The following ABR variants were observed in gnomAD, a reference collection of about 807,000 sequenced individuals.
ABR encodes the protein ABR activator of RhoGEF and GTPase, also known as active breakpoint cluster region-related protein.
A neutral mutation model predicts 107.2 loss-of-function variants in ABR; 35 were observed. The ratio of observed to expected loss-of-function variants is 0.33; its 90% confidence interval spans 0.25 to 0.43. The LOEUF is 0.43. Among genes scored for constraint, ABR ranks in the 20% least tolerant of loss-of-function variants. ABR has a pLI of 1.00. For synonymous variants in ABR, 498 were observed against 462.0 expected, an observed-to-expected ratio of 1.08 and a Z score of -1.00; for missense variants, 815 against 1,115.2, an observed-to-expected ratio of 0.73 and a Z score of 3.83.
intron 16 of ABR, among the ~76,000 whole-genome samples, chr17:1,043,670 C>T (rs544298486): frequency 6.6e-6 from 1 of 152,320 alleles, no homozygotes; most frequent in Non-Finnish European, 1.5e-5. Flanking sequence ...CTGGCTTCTA[C>T]CACTATTTTT....
chr17:1,166,026 C>T (rs2041492109), intron 1 of ABR, among the ~76,000 whole-genome samples: 1 of 151,044 alleles, frequency 6.6e-6, no homozygotes, highest in Non-Finnish European at 1.5e-5. Flanking sequence ...CCCACCTCCG[C>T]TCTCCCAGAG....
rs1403656896 is a variant in ABR, at chr17:1,078,130, T to A, written c.700+1200A>T. On this transcript the variant is annotated intron_variant, in intron 6 of 22. Transcript: ENST00000302538. This position sits in a 1 kb window ranked among gnomAD's most constrained non-coding sequence, Gnocchi z 7.5. Reference sequence around the variant, plus strand: ...GTGTGTGTGTGTGTGTGTGTGTGTGTGACCTTCACAGAGTAGCTTGCCACA... The same window carrying A: ...GTGTGTGTGTGTGTGTGTGTGTGTGAGACCTTCACAGAGTAGCTTGCCACA... 6.6e-6 allele frequency among the ~76,000 whole-genome samples: 1 copy of A among 151,880 alleles called. No homozygotes were observed. The highest frequency in any genetic ancestry group is 1.5e-5 in the Non-Finnish European group (1 of 67,958).
intron 1 of ABR, among the ~76,000 whole-genome samples, chr17:1,127,670 CG>C (rs2039657120): frequency 6.6e-6 from 1 of 152,180 alleles, no homozygotes; most frequent in African/African-American, 2.4e-5. Context: ...TAGTGGACCG[CG>C]GCTTTGCCCA....
chr17:1,156,785 A>C (rs956074396), intron 1 of ABR, among the ~76,000 whole-genome samples: 6 of 152,234 alleles, frequency 3.9e-5, no homozygotes, highest in African/African-American at 1.4e-4. Flanking sequence ...TTCATAGAGG[A>C]GTAAACTGAG....
At chr17:1,185,693 C>T (rs1432947796) in intron 1 of ABR, among the ~76,000 whole-genome samples, 1 of 149,848 alleles carries the variant, frequency 6.7e-6, no homozygotes, top group East Asian at 2.0e-4. Flanking sequence ...AGGTATGTGC[C>T]CAGGTGGATC....
chr17:1,073,753 T>C, intron 6 of ABR, 76 bp from the exon 7 acceptor site: 7 of 1,338,896 alleles, frequency 5.2e-6, no homozygotes, highest in East Asian at 2.5e-5. Flanking sequence ...ACCAGCTTCG[T>C]CCCCCCACCC....
At chr17:1,028,680 G>T (rs1370685687) in intron 16 of ABR, among the ~76,000 whole-genome samples, 1 of 152,170 alleles carries the variant, frequency 6.6e-6, no homozygotes, top group Non-Finnish European at 1.5e-5. Flanking sequence ...TTGGAAGTAG[G>T]GGATTCTCAG....
At chr17:1,107,671 T>C (rs909251118) in intron 2 of ABR, among the ~76,000 whole-genome samples, 1 of 152,292 alleles carries the variant, frequency 6.6e-6, no homozygotes, top group Admixed American at 6.5e-5. Flanking sequence ...TCCCACCCTG[T>C]TCCTAGTGGG....
At position 1,050,850 on chromosome 17, in the gene ABR, C is replaced by T. The variant is rs1356666654; in HGVS notation, c.1562-216G>A. 6.6e-6 allele frequency among the ~76,000 whole-genome samples: 1 copy of T among 151,958 alleles called. No homozygotes were observed. Among genetic ancestry groups the T allele is most frequent in the Non-Finnish European group, 1.5e-5 (1 of 67,992 alleles). On this transcript the variant is annotated intron_variant, in intron 14 of 22. Coordinates refer to ENST00000302538, the MANE Select transcript of ABR (RefSeq NM_021962.5). This position sits in a 1 kb window ranked among gnomAD's most constrained non-coding sequence, Gnocchi z 4.6. The stretch of plus-strand genomic sequence containing the variant: ...CCTCCCCACCTCGGCTCACCCCACA[C>T]TCTGCCCTTCCTACCTCAGCCCTCC...
rs571505284 is a variant in ABR at position 1,082,465 on chromosome 17, C to T, written c.639+1055G>A. Among the ~76,000 whole-genome samples, 422 of 151,346 alleles carry T rather than the reference C, an allele frequency of 2.8e-3. 4 individuals carry two copies. The highest frequency in any genetic ancestry group is 9.7e-3 in the African/African-American group (398 of 41,206). On this transcript the variant is annotated intron_variant, in intron 5 of 22. Transcript: ENST00000302538. ...AGGCTGGGCCTCAGGAGCAGAAGCA[C>T]GTGTGCTCCCGGCCAGGTAGGCTGG...
chr17:1,132,869 G>A (rs1021852413), intron 1 of ABR, among the ~76,000 whole-genome samples: 1 of 152,168 alleles, frequency 6.6e-6, no homozygotes, highest in African/African-American at 2.4e-5. Context: ...AAATTGGCAA[G>A]GATTTTAAGA....
At position 1,150,195 on chromosome 17, in the gene ABR, G is replaced by A. The variant is rs202196837; in HGVS notation, c.62-24828C>T. On this transcript the variant is annotated intron_variant, in intron 1 of 22. Coordinates refer to ENST00000302538, the MANE Select transcript of ABR (RefSeq NM_021962.5). The surrounding 1 kb of genome is among the most constrained non-coding windows in gnomAD (Gnocchi z 4.8). ...ATTACAGACGTGAGCCACCGCGCCC[G>A]GCCTGTGTCAGAATTTTTTTTGTTA... 2.0e-5 allele frequency among the ~76,000 whole-genome samples: 3 copies of A among 152,034 alleles called. No individual in the cohort carries two copies. The highest frequency in any genetic ancestry group is 2.1e-4 in the South Asian group (1 of 4,808).
rs1597349822 is a variant in ABR at position 1,011,758 on chromosome 17, G to A, written c.2101+88C>T. The A allele has an allele frequency of 4.8e-6, 7 of 1,464,032 alleles. No homozygotes were observed. The East Asian group carries it at 1.4e-4, about 29-fold the overall frequency. The allele number at this position is 1,464,032 out of a possible 1,614,324, so 90.7% of individuals were successfully genotyped here. A position where few individuals can be genotyped will look rare whatever the true frequency, so the allele number is the denominator to read the frequency against. On this transcript the variant is annotated intron_variant, in intron 19 of 22. Coordinates refer to ENST00000302538, the MANE Select transcript of ABR (RefSeq NM_021962.5). This position sits in a 1 kb window ranked among gnomAD's most constrained non-coding sequence, Gnocchi z 4.8. ...CAGAGCAAGCCTCCTCTCCAGGGAGGCTCCTGGTTCCCCCGAGCTCTCCTG... is the reference window on the plus strand; with the variant it reads ...CAGAGCAAGCCTCCTCTCCAGGGAGACTCCTGGTTCCCCCGAGCTCTCCTG...
chr17:1,178,686 G>A (rs1028639774), intron 1 of ABR, among the ~76,000 whole-genome samples: 1 of 152,156 alleles, frequency 6.6e-6, no homozygotes, highest in African/African-American at 2.4e-5. Context: ...GAGATGTGCT[G>A]AGAGAGTGGG....
chr17:1,060,597 C>G (rs2033811313), intron 10 of ABR, among the ~76,000 whole-genome samples: 1 of 152,068 alleles, frequency 6.6e-6, no homozygotes, highest in African/African-American at 2.4e-5. Context: ...GAGTGGCGAC[C>G]AGCTTTACCC....
At chr17:1,096,759 G>A (rs1481262216) in intron 3 of ABR, among the ~76,000 whole-genome samples, 1 of 148,080 alleles carries the variant, frequency 6.8e-6, no homozygotes, top group Non-Finnish European at 1.5e-5. Flanking sequence ...GGGGAAGGGG[G>A]GAACCTGCCC....
At chr17:1,129,027 A>T (rs1360872696) in intron 1 of ABR, among the ~76,000 whole-genome samples, 10 of 152,212 alleles carry the variant, frequency 6.6e-5, no homozygotes, top group Admixed American at 6.5e-4. Context: ...AAGGTAACTG[A>T]CCCAGGTGAT....
chr17:1,190,930 T>C (rs1384716385), upstream of ABR, among the ~76,000 whole-genome samples: 1 of 152,132 alleles, frequency 6.6e-6, no homozygotes, highest in Non-Finnish European at 1.5e-5. Flanking sequence ...ATGATAGAAA[T>C]GGATTCTGGG....
At chr17:1,058,491 G>A (rs1362231741) in intron 11 of ABR, among the ~76,000 whole-genome samples, 2 of 152,172 alleles carry the variant, frequency 1.3e-5, no homozygotes, top group Admixed American at 6.6e-5. Flanking sequence ...GAGGCAGCTG[G>A]GGGTGGGTGG....
Sources: gnomAD v4.1 joint callset for allele counts (sites outside exome capture counted in the v4.1 genomes callset) on GRCh38, gnomAD v4.1.1 for gene constraint, Gnocchi (gnomAD v3.1) non-coding constraint, MANE v1.5 for transcripts, NCBI Gene and HGNC (gene_info 2026-07-23, HGNC 2026-07-21) for gene names.